Variants in TXNRD2 observed in about 807,000 individuals in gnomAD.
TXNRD2 encodes the protein thioredoxin reductase 2.
A neutral mutation model predicts 70.8 loss-of-function variants in TXNRD2; 67 were observed. The observed-to-expected ratio is 0.95, with a 90% CI of 0.78 to 1.16. The LOEUF (loss-of-function observed/expected upper bound fraction) is 1.16. TXNRD2 is among the 50% of genes most tolerant of loss of function. The pLI, the probability that TXNRD2 is intolerant of heterozygous loss-of-function variation, is 0.00. For synonymous variants in TXNRD2, 301 were observed against 295.8 expected, an observed-to-expected ratio of 1.02 and a Z score of -0.18; for missense variants, 644 against 719.9, an observed-to-expected ratio of 0.89 and a Z score of 1.21.
intron 3 of TXNRD2, 74 bp downstream of exon 3, chr22:19,919,469 C>T: frequency 1.4e-6 from 2 of 1,395,392 alleles, no homozygotes; most frequent in African/African-American, 1.4e-5. Context: ...GTGTCAGCTG[C>T]CCTCTGTACA....
intron 2 of TXNRD2, among the ~76,000 whole-genome samples, chr22:19,920,725 C>T (rs1940870524): frequency 1.3e-5 from 2 of 152,214 alleles, no homozygotes; most frequent in Non-Finnish European, 2.9e-5. Flanking sequence ...TCTCATGAAC[C>T]CTAAAATGCC....
intron 11 of TXNRD2, chr22:19,884,513 G>A (rs1020551013): frequency 2.0e-5 from 3 of 152,254 alleles, no homozygotes; most frequent in African/African-American, 7.2e-5. Context: ...GCCCTTCATG[G>A]GGAGCTGTTG....
intron 8 of TXNRD2, among the ~76,000 whole-genome samples, chr22:19,900,494 T>C (rs1450474426): frequency 6.6e-6 from 1 of 152,192 alleles, no homozygotes; most frequent in African/African-American, 2.4e-5. Flanking sequence ...CTCACGCCTG[T>C]AATCCCAGCA....
At position 19,918,955 on chromosome 22, in the gene TXNRD2, G is replaced by T; in HGVS notation, c.279C>A (p.Pro93=). Residue 93 remains proline, a synonymous_variant, in exon 4 of 18, where the codon CCC becomes CCA. Coordinates refer to ENST00000400521, the MANE Select transcript of TXNRD2 (RefSeq NM_006440.5). The stretch of plus-strand genomic sequence containing the variant: ...GTGCCGCCTGGTGCATCAGCTTCTT[G>T]GGGATGCAGCCCACGTTGACGCAGG... The part of the protein sequence containing the change: ...GGTCVNVGCI[P]KKLMHQAALL... 1 of 1,612,866 alleles carries T rather than the reference G, an allele frequency of 6.2e-7. No homozygotes were observed. Among genetic ancestry groups the T allele is most frequent in the Non-Finnish European group, 8.5e-7 (1 of 1,179,944 alleles).
chr22:19,884,885 T>C (rs1222200030), intron 11 of TXNRD2, among the ~76,000 whole-genome samples: 2 of 152,180 alleles, frequency 1.3e-5, no homozygotes, highest in Non-Finnish European at 2.9e-5. Flanking sequence ...CGTGGCTGCC[T>C]GGCACACAGT....
At chr22:19,940,731 G>A (rs1800749) in intron 1 of TXNRD2, among the ~76,000 whole-genome samples, 1 of 152,092 alleles carries the variant, frequency 6.6e-6, no homozygotes. Context: ...CCCACCTGAC[G>A]CATGCAGCCA....
chr22:19,923,382 G>A (rs1197627758), intron 2 of TXNRD2, among the ~76,000 whole-genome samples: 3 of 152,082 alleles, frequency 2.0e-5, no homozygotes, highest in Admixed American at 6.6e-5. Context: ...AAGGGGCTGC[G>A]ATGCTCCCAG....
Position 19,880,016 on chromosome 22 carries a change from C to G in TXNRD2, c.1275+163G>C, listed in dbSNP as rs11913319. Among the ~76,000 whole-genome samples, 40,225 of 152,168 alleles carry G rather than the reference C, an allele frequency of 0.26. 5,481 individuals are homozygous for G. Among genetic ancestry groups the G allele is most frequent in the Non-Finnish European group, 0.3 (20,109 of 67,988 alleles). On this transcript the variant is annotated intron_variant, in intron 14 of 17. Coordinates refer to ENST00000400521, the MANE Select transcript of TXNRD2 (RefSeq NM_006440.5). ...TGCCAAAGCCCAGGCACCCCCACTT[C>G]TGAGGCTGCCCCCAACGTGTCCCTT...
chr22:19,907,181 A>G (rs377202872), intron 8 of TXNRD2, among the ~76,000 whole-genome samples: 1,369 of 24,164 alleles, frequency 0.057, 16 homozygotes, highest in South Asian at 0.14. Flanking sequence ...TGGGCGCACC[A>G]TGAGTAGCAG....
At chr22:19,928,791 G>A (rs1293691991) in intron 2 of TXNRD2, among the ~76,000 whole-genome samples, 1 of 152,130 alleles carries the variant, frequency 6.6e-6, no homozygotes, top group Admixed American at 6.5e-5. Flanking sequence ...CGGATCCCTT[G>A]AGGCCAGAAG....
In TXNRD2 at chr22:19,880,665, T is replaced by C; in HGVS notation, c.1139A>G (p.Gln380Arg). The C allele has an allele frequency of 6.2e-7, 1 of 1,613,422 alleles. No homozygotes were observed. Among genetic ancestry groups the C allele is most frequent in the Non-Finnish European group, 8.5e-7 (1 of 1,180,024 alleles). The change falls in exon 13 of 18, where the codon CAG becomes CGG. Residue 380 changes from glutamine (Q) to arginine (R), a missense_variant. Transcript: ENST00000400521. Reference sequence around the variant, plus strand: ...ATCTGAGGACCCGCCGAAGAGCCGCTGCACCAGGAGCCTCCCGGCCATGAT... The same window carrying C: ...ATCTGAGGACCCGCCGAAGAGCCGCCGCACCAGGAGCCTCCCGGCCATGAT... ...IAIMAGRLLV[Q>R]RLFGGSSDLM... is the part of the protein sequence containing the mutation.
intron 8 of TXNRD2, among the ~76,000 whole-genome samples, chr22:19,908,573 T>C (rs1940176692): frequency 6.6e-6 from 1 of 152,320 alleles, no homozygotes; most frequent in Non-Finnish European, 1.5e-5. Context: ...GTGGGCGCTG[T>C]TGGGAACAGG....
chr22:19,897,321 T>C (rs1192893405), intron 10 of TXNRD2, among the ~76,000 whole-genome samples: 1 of 152,194 alleles, frequency 6.6e-6, no homozygotes, highest in Non-Finnish European at 1.5e-5. Flanking sequence ...TAGCAGGGCC[T>C]GCAGATCTGC....
chr22:19,898,618 G>A (rs531967761), intron 9 of TXNRD2, among the ~76,000 whole-genome samples: 59 of 150,692 alleles, frequency 3.9e-4, no homozygotes, highest in African/African-American at 1.3e-3. Flanking sequence ...AGGTTCAAGC[G>A]GTTCCCCTGC....
rs568169285 is a variant in TXNRD2 at position 19,881,733 on chromosome 22, A to G, written c.1087-1016T>C. Among the ~76,000 whole-genome samples, 517 of 152,328 alleles carry G rather than the reference A, an allele frequency of 3.4e-3. 1 individual carries two copies. Among genetic ancestry groups the G allele is most frequent in the African/African-American group, 0.012 (493 of 41,572 alleles). The stretch of plus-strand genomic sequence containing the variant: ...GGCACTGTCTCAGGGTGCAGCGCCC[A>G]CAGGATTCAACAGACCCTGCAACCA... On this transcript the variant is annotated intron_variant, in intron 12 of 17. Transcript: ENST00000400521.
chr22:19,885,595 TG>T (rs2145945086), intron 11 of TXNRD2, among the ~76,000 whole-genome samples: 1 of 152,300 alleles, frequency 6.6e-6, no homozygotes, highest in East Asian at 1.9e-4. Context: ...TGGGCAGGGC[TG>T]GGGCACGAAG....
intron 8 of TXNRD2, among the ~76,000 whole-genome samples, chr22:19,904,666 C>CA (rs1939926694): frequency 2.0e-5 from 3 of 152,162 alleles, no homozygotes; most frequent in Non-Finnish European, 4.4e-5. Context: ...TAGAGAGGGA[C>CA]GAGGGAGGCC....
At chr22:19,882,900 C>T (rs1033510493) in intron 12 of TXNRD2, among the ~76,000 whole-genome samples, 6 of 152,218 alleles carry the variant, frequency 3.9e-5, no homozygotes, top group South Asian at 2.1e-4. Flanking sequence ...GATACTGAGG[C>T]GGGGAGGGCG....
At chr22:19,911,567 G>T in intron 7 of TXNRD2, 120 bp from the exon 8 acceptor site, 4 of 777,064 alleles carry the variant, frequency 5.1e-6, no homozygotes, top group Non-Finnish European at 9.0e-6. Flanking sequence ...CACATGCACA[G>T]GGCTTCCCTG....
Sources: allele counts gnomAD v4.1 joint callset (sites outside exome capture counted in the v4.1 genomes callset), GRCh38; gene constraint gnomAD v4.1.1; transcripts MANE v1.5; gene names NCBI Gene and HGNC (gene_info 2026-07-23, HGNC 2026-07-21).